Variants in UNC5B observed in about 807,000 individuals in gnomAD.
UNC5B encodes the protein netrin receptor UNC5B.
UNC5B carries 56 observed loss-of-function variants against 103.7 expected under a neutral mutation model. The ratio of observed to expected loss-of-function variants is 0.54; its 90% CI spans 0.44 to 0.67. The LOEUF (loss-of-function observed/expected upper bound fraction) is 0.67. UNC5B is among the 30% of genes least tolerant of loss of function. The pLI is 0.00. For missense variants in UNC5B, 1,194 were observed against 1,284.5 expected (o/e 0.93, Z 1.08); for synonymous variants, 577 against 542.0 (o/e 1.06, Z -0.90).
intron 1 of UNC5B, among the ~76,000 whole-genome samples, chr10:71,265,496 C>A (rs1389025873): frequency 2.0e-5 from 3 of 152,216 alleles, no homozygotes; most frequent in Non-Finnish European, 4.4e-5. Context: ...AAGAACTTTT[C>A]TCCGCCGCTT....
intron 2 of UNC5B, among the ~76,000 whole-genome samples, chr10:71,282,557 G>A (rs1844957355): frequency 1.3e-5 from 2 of 152,202 alleles, no homozygotes; most frequent in South Asian, 4.1e-4. Context: ...CAGGTTCACA[G>A]TCTGGTAAGC....
intron 15 of UNC5B, 120 bp from the exon 16 acceptor site, chr10:71,297,789 T>C (rs1845479862): frequency 4.5e-6 from 5 of 1,117,638 alleles, no homozygotes; most frequent in Non-Finnish European, 5.0e-6. Flanking sequence ...ACAGTGGGAG[T>C]CTGTCCAGAG....
At chr10:71,233,488 C>G (rs902445737) in intron 1 of UNC5B, among the ~76,000 whole-genome samples, 23 of 152,322 alleles carry the variant, frequency 1.5e-4, no homozygotes, top group Admixed American at 5.9e-4. Context: ...ACTGGCCAAG[C>G]CTGTCACCCG....
intron 1 of UNC5B, among the ~76,000 whole-genome samples, chr10:71,227,653 T>TATACACATAC: frequency 7.3e-6 from 1 of 137,926 alleles, no homozygotes; most frequent in African/African-American, 3.2e-5. Context: ...TATACATATA[T>TATACACATAC]ATACATATAT....
chr10:71,266,107 C>T (rs894158897), intron 1 of UNC5B, among the ~76,000 whole-genome samples: 1 of 152,138 alleles, frequency 6.6e-6, no homozygotes, highest in African/African-American at 2.4e-5. Context: ...CTTCCTTATC[C>T]CTCCTCAAGA....
rs74145377 is a variant in UNC5B at position 71,237,619 on chromosome 10, A to G, written c.79+24555A>G. Among the ~76,000 whole-genome samples, 239 of 152,326 alleles carry G rather than the reference A, an allele frequency of 1.6e-3. 1 individual carries two copies. Among genetic ancestry groups the G allele is most frequent in the African/African-American group, 5.6e-3 (234 of 41,580 alleles). ...GGCAATCCTGAGTGCATTAACTATT[A>G]TTATGCAAGGTGTTCCTGCAGCACC... On this transcript the variant is annotated intron_variant, in intron 1 of 16. Coordinates refer to ENST00000335350, the MANE Select transcript of UNC5B (RefSeq NM_170744.5).
Position 71,299,195 on chromosome 10 carries a change from A to T in UNC5B, c.2756A>T (p.Asp919Val). 6.2e-7 allele frequency: 1 copy of T among 1,614,194 alleles called. No homozygotes were observed. The highest frequency in any genetic ancestry group is 8.5e-7 in the Non-Finnish European group (1 of 1,180,038). ...GAAGCTCTGCAGCAGGACGATGGGG[A>T]CCTCAACAGCCTGGCGAGTGCCTTG... Reference protein sequence around the residue: ...LWEALQQDDGDLNSLASALEE... With the variant: ...LWEALQQDDGVLNSLASALEE... The change falls in exon 17 of 17, where the codon GAC (aspartate) becomes GTC (valine). Residue 919 changes from aspartate to valine, a missense_variant. Asp to Val is a radical substitution (Grantham distance 152, BLOSUM62 -3). Coordinates refer to ENST00000335350, the MANE Select transcript of UNC5B (RefSeq NM_170744.5).
At chr10:71,270,031 T>G (rs1006659265) in intron 1 of UNC5B, among the ~76,000 whole-genome samples, 1 of 152,072 alleles carries the variant, frequency 6.6e-6, no homozygotes, top group Non-Finnish European at 1.5e-5. Context: ...AAAACACGCC[T>G]GGTGGGGCTT....
At chr10:71,239,419 G>A (rs375978503) in intron 1 of UNC5B, among the ~76,000 whole-genome samples, 2 of 152,072 alleles carry the variant, frequency 1.3e-5, no homozygotes, top group East Asian at 1.9e-4. Flanking sequence ...TCGAGTTCGG[G>A]TGGGTGGGAT....
At chr10:71,280,101 G>C (rs1336946764) in intron 2 of UNC5B, 56 bp downstream of exon 2, 8 of 1,579,238 alleles carry the variant, frequency 5.1e-6, no homozygotes, top group Non-Finnish European at 6.9e-6. Context: ...CAGAGGCACA[G>C]GCCTAGCTCC....
rs555677510 is a variant in UNC5B, at chr10:71,288,837, G to A, written c.1066+105G>A. The stretch of plus-strand genomic sequence containing the variant: ...TCAGTGCCCAGCCTGCAGCACGGCA[G>A]TCCTCAGGGCCTCTGTCCCCCCACC... On this transcript the variant is annotated intron_variant, in intron 7 of 16. Transcript: ENST00000335350. 9.0e-6 allele frequency: 14 copies of A among 1,554,758 alleles called. No homozygotes were observed. The African/African-American group carries it at 1.5e-4, about 17-fold the overall frequency.
At chr10:71,215,595 T>C (rs1239517536) in intron 1 of UNC5B, among the ~76,000 whole-genome samples, 1 of 152,084 alleles carries the variant, frequency 6.6e-6, no homozygotes, top group Non-Finnish European at 1.5e-5. Flanking sequence ...TAGAAGGTAA[T>C]GTCAGCAAGT....
intron 1 of UNC5B, among the ~76,000 whole-genome samples, chr10:71,218,645 G>A (rs775798142): frequency 2.6e-5 from 4 of 152,216 alleles, no homozygotes; most frequent in Non-Finnish European, 5.9e-5. Context: ...CAGCCCAGCA[G>A]CTTGGGCTAC....
chr10:71,232,360 T>G (rs117982032), intron 1 of UNC5B, among the ~76,000 whole-genome samples: 2,741 of 152,342 alleles, frequency 0.018, 52 homozygotes, highest in Non-Finnish European at 0.027. Flanking sequence ...AATCTTGTGT[T>G]CATGAGGGAA....
intron 6 of UNC5B, 136 bp from the exon 7 acceptor site, chr10:71,288,432 T>G: frequency 4.6e-6 from 6 of 1,294,928 alleles, no homozygotes; most frequent in South Asian, 1.5e-5. Flanking sequence ...GTGGCACACA[T>G]GTGTTCTGGG....
intron 1 of UNC5B, among the ~76,000 whole-genome samples, chr10:71,267,331 C>T (rs1844545278): frequency 6.6e-6 from 1 of 152,152 alleles, no homozygotes; most frequent in Non-Finnish European, 1.5e-5. Flanking sequence ...ATTATAAGAG[C>T]CTGGAGATTG....
chr10:71,238,561 C>T (rs1033877069), intron 1 of UNC5B, among the ~76,000 whole-genome samples: 1 of 152,156 alleles, frequency 6.6e-6, no homozygotes, highest in Non-Finnish European at 1.5e-5. Flanking sequence ...CCACCTCCAC[C>T]TCCTGGGTTC....
At chr10:71,256,357 C>A (rs531475718) in intron 1 of UNC5B, among the ~76,000 whole-genome samples, 1 of 152,334 alleles carries the variant, frequency 6.6e-6, no homozygotes, top group South Asian at 2.1e-4. Flanking sequence ...CAGCTGGGCT[C>A]AGGAGAGCCA....
Position 71,288,587 on chromosome 10 carries a change from G to C in UNC5B, c.921G>C (p.Glu307Asp). ...TTACAGTCGATGGGGCGTGGACGGA[G>C]TGGAGCAAGTGGTCAGCCTGCAGCA... ...TICPVDGAWT[E>D]WSKWSACSTE... is the part of the protein sequence containing the mutation. The change falls in exon 7 of 17, where the codon GAG becomes GAC. Residue 307 changes from glutamate (E) to aspartate (D), a missense_variant. Transcript: ENST00000335350. 6.2e-7 allele frequency: 1 copy of C among 1,613,970 alleles called. No homozygotes were observed. Among genetic ancestry groups the C allele is most frequent in the South Asian group, 1.1e-5 (1 of 91,064 alleles).
Sources: allele counts gnomAD v4.1 joint callset (sites outside exome capture counted in the v4.1 genomes callset), GRCh38; gene constraint gnomAD v4.1.1; transcripts MANE v1.5; gene names NCBI Gene and HGNC (gene_info 2026-07-23, HGNC 2026-07-21).